ATL1: variants seen among roughly 807,000 people sequenced by gnomAD.
The protein encoded by ATL1 is atlastin-1.
A neutral mutation model predicts 75.5 loss-of-function variants in ATL1; 31 were observed. The ratio of observed to expected loss-of-function variants is 0.41; its 90% confidence interval spans 0.31 to 0.55. The LOEUF (loss-of-function observed/expected upper bound fraction) is 0.55, where lower values mean the gene tolerates loss of function less well. Ranked by LOEUF, ATL1 falls within the 20% of genes least tolerant of loss-of-function variation. The probability of loss-of-function intolerance (pLI) is 0.27; values close to 1 mark genes in which losing one functional copy is unlikely to be tolerated. For synonymous variants in ATL1, 226 were observed against 233.3 expected, an observed-to-expected ratio of 0.97 and a Z score of 0.28; for missense variants, 405 against 662.6, an observed-to-expected ratio of 0.61 and a Z score of 4.27.
intron 6 of ATL1, among the ~76,000 whole-genome samples, chr14:50,597,220 C>CCAAA (rs2039226927): frequency 9.2e-6 from 1 of 108,404 alleles, no homozygotes; most frequent in South Asian, 2.8e-4. Flanking sequence ...AAAAAACAAA[C>CCAAA]AAAAAAAAAA....
chr14:50,627,940 TAACA>T, intron 11 of ATL1, 87 bp from the exon 12 acceptor site: 1 of 1,243,910 alleles, frequency 8.0e-7, no homozygotes, highest in Non-Finnish European at 1.2e-6. Flanking sequence ...TAACGTATTC[TAACA>T]AACTCAACTA....
intron 7 of ATL1, 67 bp downstream of exon 7, chr14:50,613,418 G>A: frequency 8.2e-7 from 1 of 1,226,622 alleles, no homozygotes; most frequent in Non-Finnish European, 1.2e-6. Context: ...TGGATCATTT[G>A]GTGAATAGAT....
Position 50,571,700 on chromosome 14 carries a change from T to C in ATL1, c.34+11401T>C, listed in dbSNP as rs748365797. ...TCCAGGCTAGTCATGTTGTATTTCC[T>C]TTTTTAATACATTACTGGGTTTGCT... On this transcript the variant is annotated intron_variant, in intron 1 of 13. Transcript: ENST00000358385. Among the ~76,000 whole-genome samples the C allele has an allele frequency of 2.6e-5, 4 of 152,232 alleles. No individual in the cohort carries two copies. In the South Asian group the frequency reaches 8.3e-4, roughly 31 times the overall value.
intron 1 of ATL1, among the ~76,000 whole-genome samples, chr14:50,550,216 A>G (rs113953573): frequency 2.7e-3 from 415 of 152,366 alleles, no homozygotes; most frequent in South Asian, 0.01. Flanking sequence ...ATTGGCTACT[A>G]TACCCACTCC....
chr14:50,600,654 G>A (rs1163751440), intron 6 of ATL1, among the ~76,000 whole-genome samples: 1 of 152,070 alleles, frequency 6.6e-6, no homozygotes, highest in East Asian at 1.9e-4. Flanking sequence ...ATGAAATTTC[G>A]ATTTAGCAAT....
At chr14:50,607,520 C>G (rs2039326793) in intron 6 of ATL1, among the ~76,000 whole-genome samples, 1 of 152,018 alleles carries the variant, frequency 6.6e-6, no homozygotes, top group Non-Finnish European at 1.5e-5. Flanking sequence ...ACTTGACTGA[C>G]TTTTAAAGCA....
intron 1 of ATL1, among the ~76,000 whole-genome samples, chr14:50,534,732 T>C (rs2038471687): frequency 6.6e-6 from 1 of 152,244 alleles, no homozygotes; most frequent in Non-Finnish European, 1.5e-5. Context: ...TTATTTTACT[T>C]GTACTGCAAT....
At chr14:50,602,549 G>A (rs961021007) in intron 6 of ATL1, among the ~76,000 whole-genome samples, 1 of 151,814 alleles carries the variant, frequency 6.6e-6, no homozygotes, top group African/African-American at 2.4e-5. Context: ...ACTTGAGTTC[G>A]TGTTTTAGAT....
intron 13 of ATL1, 43 bp from the exon 14 acceptor site, chr14:50,632,182 CTGTG>C: frequency 7.2e-7 from 1 of 1,397,490 alleles, no homozygotes; most frequent in Non-Finnish European, 1.0e-6. Flanking sequence ...AATTTTACAT[CTGTG>C]TGTTTAATAA....
intron 5 of ATL1, 90 bp downstream of exon 5, chr14:50,593,986 G>T: frequency 1.0e-6 from 1 of 979,188 alleles, no homozygotes. Context: ...AACATAATCA[G>T]ATTCTGATTC....
intron 1 of ATL1, among the ~76,000 whole-genome samples, chr14:50,549,924 C>T (rs544506996): frequency 3.9e-5 from 6 of 152,316 alleles, no homozygotes; most frequent in Admixed American, 1.3e-4. Flanking sequence ...AAATATGCGC[C>T]GCAAACTCTC....
chr14:50,588,217 A>G (rs2039121362), intron 2 of ATL1, 139 bp downstream of exon 2: 1 of 1,097,556 alleles, frequency 9.1e-7, no homozygotes, highest in Admixed American at 2.2e-5. Context: ...GCTGTGGTGT[A>G]ACCATTCCAA....
At chr14:50,564,900 C>G (rs370270013) in intron 1 of ATL1, among the ~76,000 whole-genome samples, 1 of 151,972 alleles carries the variant, frequency 6.6e-6, no homozygotes. Flanking sequence ...TTCCAGTTGG[C>G]TATATTCTAT....
At chr14:50,589,044 A>T (rs770551434) in intron 2 of ATL1, among the ~76,000 whole-genome samples, 4 of 152,158 alleles carry the variant, frequency 2.6e-5, no homozygotes, top group African/African-American at 4.8e-5. Flanking sequence ...TAGATTTTGC[A>T]CTTAGGCATC....
upstream of ATL1, among the ~76,000 whole-genome samples, chr14:50,556,315 A>G (rs1258627308): frequency 6.6e-6 from 1 of 152,136 alleles, no homozygotes. Flanking sequence ...TCCTGGGCTC[A>G]AGGGATCCTC....
At chr14:50,608,166 T>C (rs2039332457) in intron 6 of ATL1, among the ~76,000 whole-genome samples, 2 of 152,098 alleles carry the variant, frequency 1.3e-5, no homozygotes, top group Admixed American at 6.6e-5. Context: ...TTAGGCTAAT[T>C]TGTATTCTTG....
At chr14:50,536,792 A>G (rs943049151) in intron 1 of ATL1, among the ~76,000 whole-genome samples, 2 of 152,318 alleles carry the variant, frequency 1.3e-5, no homozygotes, top group South Asian at 4.1e-4. Flanking sequence ...AACTTGAGAG[A>G]GAAGATTTAG....
chr14:50,602,272 C>T (rs1288524579), intron 6 of ATL1, among the ~76,000 whole-genome samples: 2 of 152,194 alleles, frequency 1.3e-5, no homozygotes, highest in Non-Finnish European at 2.9e-5. Context: ...GTGCTTGTCA[C>T]TCTTGTCCTC....
rs185037643 is a variant in ATL1 at position 50,621,085 on chromosome 14, C to G, written c.990+359C>G. Among the ~76,000 whole-genome samples, 522 of 152,214 alleles carry G rather than the reference C, an allele frequency of 3.4e-3. 3 individuals are homozygous for G. The highest frequency in any genetic ancestry group is 0.011 in the Admixed American group (166 of 15,280). ...ACCTTCATAATTCTGAAGATTTTCC[C>G]CAAGGGGATACCTTCCTACTGAAGA... On this transcript the variant is annotated intron_variant, in intron 9 of 13. Transcript: ENST00000358385.
Sources: gnomAD v4.1 joint callset for allele counts (sites outside exome capture counted in the v4.1 genomes callset) on GRCh38, gnomAD v4.1.1 for gene constraint, MANE v1.5 for transcripts, NCBI Gene and HGNC (gene_info 2026-07-23, HGNC 2026-07-21) for gene names.